ZBTB20: variants seen among roughly 807,000 people sequenced by gnomAD.
The protein encoded by ZBTB20 is zinc finger and BTB domain-containing protein 20.
A neutral mutation model predicts 56.9 loss-of-function variants in ZBTB20; 9 were observed. That is an observed-to-expected ratio of 0.16 (90% confidence interval 0.10 to 0.28). The LOEUF is 0.28. ZBTB20 is among the 10% of genes least tolerant of loss of function. ZBTB20 has a pLI of 1.00. For synonymous variants in ZBTB20, 417 were observed against 420.7 expected (o/e 0.99, Z 0.11); for missense variants, 655 against 1,003.0 (o/e 0.65, Z 4.69).
intron 6 of ZBTB20, among the ~76,000 whole-genome samples, chr3:114,614,324 A>C (rs1207482785): frequency 6.6e-6 from 1 of 152,218 alleles, no homozygotes; most frequent in Non-Finnish European, 1.5e-5. Flanking sequence ...TGGCTCTTAC[A>C]GATTTTAATT....
At chr3:114,805,589 T>G (rs1375784890) in intron 4 of ZBTB20, among the ~76,000 whole-genome samples, 1 of 151,512 alleles carries the variant, frequency 6.6e-6, no homozygotes, top group African/African-American at 2.4e-5. Context: ...CTATACTTAG[T>G]TTTAATAAAC....
In ZBTB20 at chr3:115,071,433, A is replaced by C. The variant is rs1432855809; in HGVS notation, c.-702-19T>G. 6.6e-6 allele frequency: 1 copy of C among 152,174 alleles called. No individual in the cohort carries two copies. The highest frequency in any genetic ancestry group is 1.5e-5 in the Non-Finnish European group (1 of 68,056). The allele number at this position is 152,174 out of a possible 1,614,324, so 9.4% of individuals were successfully genotyped here. The stretch of plus-strand genomic sequence containing the variant: ...GCAGTGCCTTTGGTGAGGAGAGTAA[A>C]GAAGAAATAGAAAGATTAGCCAAAA... On this transcript the variant is annotated intron_variant, in intron 1 of 11. Transcript: ENST00000675478.
intron 6 of ZBTB20, among the ~76,000 whole-genome samples, chr3:114,676,895 C>A (rs1422548208): frequency 1.3e-5 from 2 of 151,908 alleles, no homozygotes; most frequent in East Asian, 3.9e-4. Flanking sequence ...CTGCCTCAGC[C>A]TCCTGAGTAG....
At chr3:114,719,043 G>A (rs548980566) in intron 5 of ZBTB20, among the ~76,000 whole-genome samples, 8 of 151,276 alleles carry the variant, frequency 5.3e-5, no homozygotes, top group Non-Finnish European at 7.4e-5. Flanking sequence ...ATATTAACTC[G>A]AAAAATTTAA....
intron 4 of ZBTB20, among the ~76,000 whole-genome samples, chr3:114,891,934 C>T (rs973791605): frequency 6.6e-6 from 1 of 151,934 alleles, no homozygotes; most frequent in African/African-American, 2.4e-5. Flanking sequence ...GTAGTCCCAG[C>T]TACTCGGAAG....
At chr3:114,584,608 A>C (rs1289219859) in intron 6 of ZBTB20, among the ~76,000 whole-genome samples, 1 of 152,102 alleles carries the variant, frequency 6.6e-6, no homozygotes, top group Non-Finnish European at 1.5e-5. Context: ...GGTATAGATT[A>C]CATCAAGAGA....
rs1029363511 is a variant in ZBTB20 at position 114,337,528 on chromosome 3, G to C, written c.*1477C>G. 1 of 152,180 alleles carries C rather than the reference G, an allele frequency of 6.6e-6. No homozygotes were observed. The highest frequency in any genetic ancestry group is 2.4e-5 in the African/African-American group (1 of 41,460). 9.4% of individuals were successfully genotyped at this position (152,180 alleles called of 1,614,324 possible). On this transcript the variant is annotated 3_prime_UTR_variant, in exon 12 of 12. Coordinates refer to ENST00000675478, the MANE Select transcript of ZBTB20 (RefSeq NM_001348800.3). ...TTCCATGAAAAAGAACAGAATTCTAGATGAATCAGTTGAAAAAATTATTCA... is the reference window on the plus strand; with the variant it reads ...TTCCATGAAAAAGAACAGAATTCTACATGAATCAGTTGAAAAAATTATTCA...
intron 6 of ZBTB20, among the ~76,000 whole-genome samples, chr3:114,615,049 G>C (rs1167856649): frequency 1.3e-5 from 2 of 152,138 alleles, no homozygotes; most frequent in African/African-American, 4.8e-5. Flanking sequence ...TTACAGGCAT[G>C]AGCCACCGCG....
intron 1 of ZBTB20, among the ~76,000 whole-genome samples, chr3:115,128,046 G>A (rs2084382745): frequency 1.3e-5 from 2 of 151,996 alleles, no homozygotes; most frequent in African/African-American, 4.8e-5. Flanking sequence ...AAATTTTCTT[G>A]AATAGAGAAA....
chr3:114,385,451 G>C (rs2084990700), intron 8 of ZBTB20, among the ~76,000 whole-genome samples: 1 of 152,162 alleles, frequency 6.6e-6, no homozygotes, highest in South Asian at 2.1e-4. Flanking sequence ...GTTATTGTGA[G>C]GAACAAATGA....
intron 5 of ZBTB20, among the ~76,000 whole-genome samples, chr3:114,753,896 A>C (rs2067799001): frequency 6.6e-6 from 1 of 152,174 alleles, no homozygotes; most frequent in Non-Finnish European, 1.5e-5. Context: ...AGAAGGAAAA[A>C]GGTATAGATG....
At chr3:114,934,538 T>A (rs1158769122) in intron 3 of ZBTB20, among the ~76,000 whole-genome samples, 1 of 152,184 alleles carries the variant, frequency 6.6e-6, no homozygotes, top group African/African-American at 2.4e-5. Flanking sequence ...TTAAATAAAT[T>A]AATTAATCAT....
chr3:114,374,187 T>C (rs2083350220), intron 10 of ZBTB20, among the ~76,000 whole-genome samples: 1 of 152,218 alleles, frequency 6.6e-6, no homozygotes, highest in Non-Finnish European at 1.5e-5. Context: ...GGAAAGACTA[T>C]CTTTAATGAC....
chr3:114,646,783 A>G (rs972934053), intron 6 of ZBTB20, among the ~76,000 whole-genome samples: 8 of 152,176 alleles, frequency 5.3e-5, no homozygotes, highest in Non-Finnish European at 7.4e-5. Flanking sequence ...TCCTAAGGGA[A>G]CTGGCAAACG....
At chr3:114,395,404 G>C (rs1200167135) in intron 7 of ZBTB20, among the ~76,000 whole-genome samples, 4 of 152,116 alleles carry the variant, frequency 2.6e-5, no homozygotes, top group Non-Finnish European at 1.5e-5. Flanking sequence ...GCAAAAAGAG[G>C]AGGTTGGTTT....
chr3:115,108,484 A>G (rs533542936), intron 1 of ZBTB20, among the ~76,000 whole-genome samples: 9 of 152,318 alleles, frequency 5.9e-5, no homozygotes, highest in Admixed American at 3.9e-4. Flanking sequence ...GAATTTCCCA[A>G]TGTAAACGTG....
At chr3:114,686,572 C>T (rs542374708) in intron 6 of ZBTB20, among the ~76,000 whole-genome samples, 1 of 152,218 alleles carries the variant, frequency 6.6e-6, no homozygotes, top group East Asian at 1.9e-4. Context: ...GCCTTGGGCA[C>T]CCATTCTGAG....
At chr3:114,881,948 C>G (rs1053376425) in intron 4 of ZBTB20, among the ~76,000 whole-genome samples, 2 of 151,690 alleles carry the variant, frequency 1.3e-5, no homozygotes, top group African/African-American at 4.8e-5. Context: ...AAGAAGTTTT[C>G]TAAGCCATAA....
chr3:114,781,898 C>G (rs780108877), intron 5 of ZBTB20, among the ~76,000 whole-genome samples: 2 of 152,206 alleles, frequency 1.3e-5, no homozygotes, highest in African/African-American at 2.4e-5. Context: ...CACCTTCCGC[C>G]ATGATTGTGA....
Sources: gnomAD v4.1 joint callset for allele counts (sites outside exome capture counted in the v4.1 genomes callset) on GRCh38, gnomAD v4.1.1 for gene constraint, MANE v1.5 for transcripts, NCBI Gene and HGNC (gene_info 2026-07-23, HGNC 2026-07-21) for gene names.